The following HADHB variants were observed in gnomAD, a reference collection of about 807,000 sequenced individuals.
HADHB encodes the protein trifunctional enzyme subunit beta, mitochondrial.
HADHB carries 50 observed loss-of-function variants against 61.9 expected under a neutral mutation model. That is an observed-to-expected ratio of 0.81 (90% CI 0.64 to 1.02). HADHB has a LOEUF of 1.02. HADHB is among the 50% of genes least tolerant of loss of function. The pLI, the probability that HADHB is intolerant of heterozygous loss-of-function variation, is 0.00. For missense variants in HADHB, 504 were observed against 586.5 expected (o/e 0.86, Z 1.45); for synonymous variants, 191 against 201.6 (o/e 0.95, Z 0.45).
chr2:26,272,263 G>A (rs939029839), intron 5 of HADHB, among the ~76,000 whole-genome samples: 1 of 151,604 alleles, frequency 6.6e-6, no homozygotes. Context: ...GCAATAAAGT[G>A]CACAGATTTT....
intron 15 of HADHB, among the ~76,000 whole-genome samples, chr2:26,287,821 G>T (rs1380215291): frequency 1.3e-5 from 2 of 152,144 alleles, no homozygotes; most frequent in African/African-American, 4.8e-5. Flanking sequence ...GTTTAGCATG[G>T]CCTCTACCCA....
In HADHB at chr2:26,278,585, A is replaced by G. The variant is rs752371387; in HGVS notation, c.443-29A>G. ...TGGTATGTTATTTTCTGTAAAAGAT[A>G]TTCATGAAGTATAACCTGTGCCCTG... On this transcript the variant is annotated intron_variant, in intron 7 of 15. Coordinates refer to ENST00000317799, the MANE Select transcript of HADHB (RefSeq NM_000183.3). The G allele has an allele frequency of 3.0e-5, 47 of 1,564,616 alleles. No homozygotes were observed. The East Asian group carries it at 9.6e-4, about 32-fold the overall frequency.
At chr2:26,270,826 A>C (rs1003405649) in intron 5 of HADHB, among the ~76,000 whole-genome samples, 28 of 148,668 alleles carry the variant, frequency 1.9e-4, no homozygotes, top group African/African-American at 6.7e-4. Flanking sequence ...TCTTAGTAAT[A>C]TGCCTTTATG....
At chr2:26,283,903 T>C (rs1305736463) in intron 12 of HADHB, among the ~76,000 whole-genome samples, 2 of 152,204 alleles carry the variant, frequency 1.3e-5, no homozygotes, top group Non-Finnish European at 2.9e-5. Context: ...TGTTTATTTA[T>C]TATCAATTTC....
At chr2:26,283,138 T>A in intron 12 of HADHB, 87 bp downstream of exon 12, 1 of 869,568 alleles carries the variant, frequency 1.2e-6, no homozygotes, top group Non-Finnish European at 2.0e-6. Flanking sequence ...TGATTAACAC[T>A]GGTTTATTAT....
intron 4 of HADHB, among the ~76,000 whole-genome samples, chr2:26,267,788 AAG>A (rs1017070022): frequency 1.3e-4 from 19 of 151,730 alleles, no homozygotes; most frequent in Non-Finnish European, 8.8e-5. Context: ...AAAAAAAAAA[AAG>A]AGTAAATAAA....
At chr2:26,255,119 C>G (rs1399130891) in intron 3 of HADHB, among the ~76,000 whole-genome samples, 1 of 152,164 alleles carries the variant, frequency 6.6e-6, no homozygotes, top group Non-Finnish European at 1.5e-5. Flanking sequence ...AAATTCTTAA[C>G]ATTTTTCTCC....
rs373356931 is a variant in HADHB, at chr2:26,273,662, A to G, written c.266A>G (p.His89Arg). 29 of 1,591,592 alleles carry G rather than the reference A, an allele frequency of 1.8e-5. No homozygotes were observed. The South Asian group carries it at 2.1e-4, about 12-fold the overall frequency. The change falls in exon 6 of 16, where the codon CAT (histidine) becomes CGT (arginine). Residue 89 changes from histidine to arginine, a missense_variant. Coordinates refer to ENST00000317799, the MANE Select transcript of HADHB (RefSeq NM_000183.3). ...ATTTCTACTTCCAGGGGTTTGTTGCATCGGACCAGTGTCCCTAAGGAAGTA... is the reference window on the plus strand; with the variant it reads ...ATTTCTACTTCCAGGGGTTTGTTGCGTCGGACCAGTGTCCCTAAGGAAGTA... ...LARAALTGLL[H>R]RTSVPKEVVD...
intron 10 of HADHB, among the ~76,000 whole-genome samples, chr2:26,280,408 T>C (rs754425493): frequency 6.6e-5 from 10 of 152,048 alleles, no homozygotes; most frequent in East Asian, 1.9e-4. Context: ...GAATAGACAA[T>C]TGCAATATAG....
chr2:26,280,785 G>A (rs1672754155), intron 10 of HADHB, among the ~76,000 whole-genome samples: 2 of 150,072 alleles, frequency 1.3e-5, no homozygotes, highest in African/African-American at 2.5e-5. Context: ...CCCTGGAGGC[G>A]TGGAGGTTGC....
intron 15 of HADHB, among the ~76,000 whole-genome samples, chr2:26,287,350 A>G (rs942252018): frequency 6.6e-6 from 1 of 152,200 alleles, no homozygotes; most frequent in African/African-American, 2.4e-5. Flanking sequence ...AATCTGTGTA[A>G]CTTCATCTAC....
chr2:26,256,287 T>A (rs756275597), intron 3 of HADHB, among the ~76,000 whole-genome samples: 1 of 149,202 alleles, frequency 6.7e-6, no homozygotes, highest in Admixed American at 6.6e-5. Context: ...TTGCAGTAAT[T>A]TTTTTTTTGT....
intron 10 of HADHB, 69 bp from the exon 11 acceptor site, chr2:26,282,776 A>G (rs1029618395): frequency 2.9e-6 from 3 of 1,041,852 alleles, no homozygotes; most frequent in African/African-American, 1.6e-5. Flanking sequence ...GTACAGATAT[A>G]TAAGATGGCT....
chr2:26,253,333 GT>G (rs1418318431), intron 1 of HADHB, among the ~76,000 whole-genome samples: 1 of 152,102 alleles, frequency 6.6e-6, no homozygotes, highest in African/African-American at 2.4e-5. Flanking sequence ...ACTTTTTTTA[GT>G]AGCAGTTGAG....
intron 5 of HADHB, among the ~76,000 whole-genome samples, chr2:26,271,195 G>A (rs1201338173): frequency 2.0e-5 from 3 of 147,880 alleles, no homozygotes; most frequent in African/African-American, 5.0e-5. Context: ...GCGCCCGGCC[G>A]ATTCTTCTCT....
intron 1 of HADHB, chr2:26,245,584 A>G: frequency 6.6e-6 from 1 of 151,890 alleles, no homozygotes; most frequent in East Asian, 1.9e-4. Flanking sequence ...CAGCTCACTT[A>G]AGCGGTGAAG....
intron 4 of HADHB, among the ~76,000 whole-genome samples, chr2:26,266,042 A>T (rs561849353): frequency 6.6e-6 from 1 of 151,744 alleles, no homozygotes; most frequent in Non-Finnish European, 1.5e-5. Flanking sequence ...CTAGACACCT[A>T]TCCCCAACGC....
At chr2:26,250,599 C>T (rs1164964118) in intron 1 of HADHB, among the ~76,000 whole-genome samples, 5 of 150,900 alleles carry the variant, frequency 3.3e-5, no homozygotes, top group African/African-American at 7.3e-5. Flanking sequence ...GTTGGGAGGC[C>T]GAGGTAGGAG....
At chr2:26,254,715 T>C in intron 3 of HADHB, 1 of 479,716 alleles carries the variant, frequency 2.1e-6, no homozygotes, top group East Asian at 3.9e-5. Context: ...TTGAACCTGC[T>C]GGAGTCATGG....
Sources: gnomAD v4.1 joint callset for allele counts (sites outside exome capture counted in the v4.1 genomes callset) on GRCh38, gnomAD v4.1.1 for gene constraint, MANE v1.5 for transcripts, NCBI Gene and HGNC (gene_info 2026-07-23, HGNC 2026-07-21) for gene names.